The following DDX31 variants were observed in gnomAD, a reference collection of about 807,000 sequenced individuals.
The protein encoded by DDX31 is ATP-dependent DNA helicase DDX31.
Under a neutral mutation model 91.3 loss-of-function variants are expected in DDX31, and 70 were observed. That is an observed-to-expected ratio of 0.77 (90% CI 0.63 to 0.94). The LOEUF is 0.94. DDX31 is among the 40% of genes least tolerant of loss of function. The probability of loss-of-function intolerance (pLI) is 0.00; values close to 1 mark genes in which losing one functional copy is unlikely to be tolerated. For synonymous variants in DDX31, 362 were observed against 350.6 expected (o/e 1.03, Z -0.36); for missense variants, 902 against 925.0 (o/e 0.98, Z 0.32).
chr9:132,632,236 A>T, intron 14 of DDX31, 145 bp from the exon 15 acceptor site: 2 of 381,488 alleles, frequency 5.2e-6, no homozygotes, highest in Non-Finnish European at 4.7e-6. Context: ...TATGCCCAGT[A>T]CGTGTACACA....
intron 17 of DDX31, among the ~76,000 whole-genome samples, chr9:132,622,418 A>C (rs1304441706): frequency 6.6e-6 from 1 of 152,120 alleles, no homozygotes; most frequent in African/African-American, 2.4e-5. Flanking sequence ...CTACCAAAAA[A>C]AAACGACTGT....
chr9:132,647,201 T>C (rs975148522), intron 11 of DDX31, 143 bp from the exon 12 acceptor site: 8 of 703,388 alleles, frequency 1.1e-5, no homozygotes, highest in Non-Finnish European at 1.7e-5. Context: ...CCAGCACTGA[T>C]CCGCCCTAGT....
At chr9:132,669,735 G>C (rs1245873856) in intron 1 of DDX31, 125 bp downstream of exon 1, 3 of 1,530,294 alleles carry the variant, frequency 2.0e-6, no homozygotes, top group African/African-American at 2.7e-5. Context: ...AAGCTGCCCG[G>C]TGTCTTTCTC....
chr9:132,654,945 C>CAAA (rs140953433), intron 6 of DDX31, among the ~76,000 whole-genome samples: 36 of 90,058 alleles, frequency 4.0e-4, no homozygotes, highest in Non-Finnish European at 5.9e-4. Flanking sequence ...GACTCTGTCT[C>CAAA]AAAAAAAAAA....
intron 14 of DDX31, among the ~76,000 whole-genome samples, chr9:132,636,838 G>A (rs1432071666): frequency 6.6e-6 from 1 of 152,154 alleles, no homozygotes; most frequent in Non-Finnish European, 1.5e-5. Context: ...AGAGAGAACT[G>A]GACTGCTTGC....
At chr9:132,634,585 GT>G (rs59296842) in intron 14 of DDX31, among the ~76,000 whole-genome samples, 33,204 of 102,604 alleles carry the variant, frequency 0.32, 4,338 homozygotes, top group Middle Eastern at 0.47. Flanking sequence ...TACCTAAGAT[GT>G]TTTTTTTTTT....
intron 15 of DDX31, among the ~76,000 whole-genome samples, chr9:132,630,830 G>A (rs1277908330): frequency 2.0e-5 from 3 of 152,218 alleles, no homozygotes; most frequent in Admixed American, 6.5e-5. Flanking sequence ...GGTGTCCAGA[G>A]GACACTGGAG....
intron 7 of DDX31, 111 bp from the exon 8 acceptor site, chr9:132,651,227 G>A: frequency 8.8e-6 from 8 of 905,238 alleles, no homozygotes; most frequent in Middle Eastern, 3.1e-4. Context: ...TAAGATTTAA[G>A]AAGAAAAAAA....
chr9:132,667,323 G>A (rs556266740), intron 1 of DDX31, among the ~76,000 whole-genome samples: 75 of 152,028 alleles, frequency 4.9e-4, no homozygotes, highest in African/African-American at 1.7e-3. Context: ...TGTAGATCTA[G>A]GCCTGGCTGG....
rs1383137124 is a variant in DDX31, at chr9:132,660,622, TA to T, written c.452+585del. 8.5e-5 allele frequency among the ~76,000 whole-genome samples: 13 copies of T among 152,308 alleles called. No homozygotes were observed. The East Asian group carries it at 2.5e-3, about 29-fold the overall frequency. On this transcript the variant is annotated intron_variant, in intron 4 of 19. Transcript: ENST00000372159. ...ACAAAAATCACTTAAATTTGGTTGATAAAAAACTTGTGGGGAGGTCCCTTAA... is the reference window on the plus strand; with the variant it reads ...ACAAAAATCACTTAAATTTGGTTGATAAAAACTTGTGGGGAGGTCCCTTAA...
rs80011429 is a variant in DDX31, at chr9:132,647,879, C to T, written c.967+310G>A. Reference sequence around the variant, plus strand: ...ATCTTCAGTGCAAGGGCCCTGCTCTCCATGGGTTGCAAGTGCACAAAAACC... The same window carrying T: ...ATCTTCAGTGCAAGGGCCCTGCTCTTCATGGGTTGCAAGTGCACAAAAACC... On this transcript the variant is annotated intron_variant, in intron 11 of 19. Transcript: ENST00000372159. Among the ~76,000 whole-genome samples the T allele has an allele frequency of 3.9e-3, 595 of 152,296 alleles. 21 individuals are homozygous for T. In the East Asian group the frequency reaches 0.088, roughly 23 times the overall value.
intron 14 of DDX31, among the ~76,000 whole-genome samples, chr9:132,636,190 A>C (rs918978628): frequency 1.3e-5 from 2 of 152,190 alleles, no homozygotes; most frequent in Non-Finnish European, 2.9e-5. Flanking sequence ...CCACCCACAA[A>C]GTGTTTTCAG....
intron 18 of DDX31, among the ~76,000 whole-genome samples, chr9:132,617,485 C>T (rs1009809754): frequency 6.6e-6 from 1 of 151,776 alleles, no homozygotes; most frequent in Admixed American, 6.6e-5. Context: ...GAATAGTGCC[C>T]GATTTGATAA....
At chr9:132,652,392 C>T (rs370994366) in intron 7 of DDX31, 56 bp downstream of exon 7, 17 of 1,605,588 alleles carry the variant, frequency 1.1e-5, no homozygotes, top group South Asian at 2.2e-5. Flanking sequence ...TTAAATTCAA[C>T]GGGACATTAG....
At chr9:132,621,593 G>T (rs1832037042) in intron 17 of DDX31, among the ~76,000 whole-genome samples, 1 of 152,200 alleles carries the variant, frequency 6.6e-6, no homozygotes, top group Non-Finnish European at 1.5e-5. Flanking sequence ...CTGTAATGAG[G>T]TGTCTGGCTA....
At position 132,663,447 on chromosome 9, in the gene DDX31, T is replaced by C. The variant is rs796574962; in HGVS notation, c.76-752A>G. 3 of 985,314 alleles carry C rather than the reference T, an allele frequency of 3.0e-6. No homozygotes were observed. In the African/African-American group the frequency reaches 5.2e-5, roughly 17 times the overall value. 61.0% of individuals were successfully genotyped at this position (985,314 alleles called of 1,614,324 possible). On this transcript the variant is annotated intron_variant, in intron 1 of 19. Coordinates refer to ENST00000372159, the MANE Select transcript of DDX31 (RefSeq NM_022779.9). The stretch of plus-strand genomic sequence containing the variant: ...ATTACAGGCTACACAGCACTAGGGA[T>C]CTCTTGCCTGTTGCTTCTTATTTCC...
chr9:132,645,839 C>T, intron 13 of DDX31, 56 bp downstream of exon 13: 8 of 1,552,220 alleles, frequency 5.2e-6, no homozygotes, highest in Non-Finnish European at 5.2e-6. Context: ...TCAGGTTCGC[C>T]CCCATCTCCA....
In DDX31 at chr9:132,629,091, C is replaced by T. The variant is rs193284075; in HGVS notation, c.1631+1173G>A. 4.7e-4 allele frequency among the ~76,000 whole-genome samples: 71 copies of T among 152,376 alleles called. 2 individuals carry two copies. In the East Asian group the frequency reaches 0.014, roughly 29 times the overall value. The stretch of plus-strand genomic sequence containing the variant: ...GCAGCAAAGAGAGGCCAGCCAGCCT[C>T]CAGCTGAGGGAGCTCAGAACTCAGC... On this transcript the variant is annotated intron_variant, in intron 16 of 19. Coordinates refer to ENST00000372159, the MANE Select transcript of DDX31 (RefSeq NM_022779.9).
chr9:132,594,991 G>C lies in DDX31; in HGVS notation c.2116C>G (p.Pro706Ala), dbSNP rs775005678. 3 of 1,614,202 alleles carry C rather than the reference G, an allele frequency of 1.9e-6. No individual in the cohort carries two copies. Among genetic ancestry groups the C allele is most frequent in the Admixed American group, 1.7e-5 (1 of 60,030 alleles). Residue 706 changes from proline (P) to alanine (A), a missense_variant, in exon 20 of 20, where the codon CCT becomes GCT. Coordinates refer to ENST00000372159, the MANE Select transcript of DDX31 (RefSeq NM_022779.9). ...KVKKQNAPGE[P>A]GGRPLQHSLQ... ...CTGTGCTGCAGGGGCCGGCCACCAGGCTCTCCAGGTGCGTTTTGCTTTTTG... is the reference window on the plus strand; with the variant it reads ...CTGTGCTGCAGGGGCCGGCCACCAGCCTCTCCAGGTGCGTTTTGCTTTTTG...
Sources: allele counts gnomAD v4.1 joint callset (sites outside exome capture counted in the v4.1 genomes callset), GRCh38; gene constraint gnomAD v4.1.1; transcripts MANE v1.5; gene names NCBI Gene and HGNC (gene_info 2026-07-23, HGNC 2026-07-21).